ATXN2L: variants seen among roughly 807,000 people sequenced by gnomAD.
ATXN2L encodes ataxin-2-like protein.
In ATXN2L, 24 loss-of-function variants were observed where a neutral mutation model predicts 120.7. That is an observed-to-expected ratio of 0.20 (90% confidence interval 0.14 to 0.28). ATXN2L has a LOEUF of 0.28. Ranked by LOEUF, ATXN2L falls within the 10% of genes least tolerant of loss-of-function variation. The pLI is 1.00. For missense variants in ATXN2L, 1,312 were observed against 1,432.3 expected, an observed-to-expected ratio of 0.92 and a Z score of 1.36; for synonymous variants, 653 against 568.1, an observed-to-expected ratio of 1.15 and a Z score of -2.13.
chr16:28,830,911 C>G, intron 9 of ATXN2L, 51 bp from the exon 10 acceptor site: 1 of 1,444,650 alleles, frequency 6.9e-7, no homozygotes, highest in Non-Finnish European at 9.4e-7. Context: ...TGTAATAGGT[C>G]GTCTGCCTCC....
chr16:28,823,908 C>G (rs2050608866), intron 1 of ATXN2L: 1 of 255,384 alleles, frequency 3.9e-6, no homozygotes, highest in Admixed American at 5.8e-5. Context: ...AAGGGTCTCG[C>G]GGTCCCCGGC....
chr16:28,829,901 G>C lies in ATXN2L; in HGVS notation c.877G>C (p.Glu293Gln), dbSNP rs150226050. 2.3e-4 allele frequency: 373 copies of C among 1,614,128 alleles called. No individual in the cohort carries two copies. Among genetic ancestry groups the C allele is most frequent in the Middle Eastern group, 3.3e-4 (2 of 6,084 alleles). The change falls in exon 8 of 22, where the codon GAG becomes CAG. Residue 293 changes from glutamate to glutamine, a missense_variant. By Grantham distance (29) the Glu-to-Gln change is conservative. Transcript: ENST00000336783. ...KDNSEEFRQR[E>Q]LRAAQLAREI... ...CAACTCAGAAGAGTTTCGTCAGCGA[G>C]AGCTGCGTGCGGCCCAGTTGGCTCG...
chr16:28,832,987 A>G, intron 13 of ATXN2L, 72 bp from the exon 14 acceptor site: 1 of 1,592,926 alleles, frequency 6.3e-7, no homozygotes, highest in East Asian at 2.2e-5. Flanking sequence ...GATGAGATCA[A>G]AAAAGGATGA....
At position 28,835,139 on chromosome 16, in the gene ATXN2L, A is replaced by C. The variant is rs1380954234; in HGVS notation, c.2515A>C (p.Thr839Pro). 1 of 1,613,522 alleles carries C rather than the reference A, an allele frequency of 6.2e-7. No individual in the cohort carries two copies. Among genetic ancestry groups the C allele is most frequent in the Admixed American group, 1.7e-5 (1 of 59,950 alleles). ...SHPQAIVSSS[T>P]PQYPSAEQPT... ...TCCCCAGGCCATCGTGTCATCCTCT[A>C]CCCCTCAGTACCCTTCTGCAGAGCA... The change falls in exon 19 of 22, where the codon ACC (threonine) becomes CCC (proline). Residue 839 changes from threonine (T) to proline (P), a missense_variant. Transcript: ENST00000336783.
chr16:28,826,833 A>C, intron 5 of ATXN2L, 29 bp from the exon 6 acceptor site: 5 of 1,508,970 alleles, frequency 3.3e-6, no homozygotes, highest in Non-Finnish European at 4.5e-6. Context: ...ATATAGCCTG[A>C]CTCCTGATCT....
chr16:28,835,811 A>G, intron 21 of ATXN2L, 53 bp downstream of exon 21: 7 of 1,608,748 alleles, frequency 4.4e-6, no homozygotes, highest in South Asian at 1.1e-5. Flanking sequence ...CCCGTCTGCC[A>G]TGGGGACCAT....
chr16:28,825,977 G>T (rs929086413), intron 4 of ATXN2L, 136 bp downstream of exon 4: 3 of 951,842 alleles, frequency 3.2e-6, no homozygotes, highest in African/African-American at 3.3e-5. Flanking sequence ...GAATAGTGCT[G>T]CAGGGAAAAA....
chr16:28,827,133 A>C, intron 6 of ATXN2L, 147 bp downstream of exon 6: 1 of 940,548 alleles, frequency 1.1e-6, no homozygotes, highest in Non-Finnish European at 1.4e-6. Context: ...AAAATAGCAA[A>C]GTAAAAATAT....
In ATXN2L at chr16:28,836,556, C is replaced by G. The variant is rs1481755279; in HGVS notation, c.*291C>G. ...TGAGCTGGGCACATGAGTGAGGGCT[C>G]TGGCTTACTGGGAAACAGCGATTGA... On this transcript the variant is annotated 3_prime_UTR_variant, in exon 22 of 22. Coordinates refer to ENST00000336783, the MANE Select transcript of ATXN2L (RefSeq NM_007245.4). 5 of 1,572,052 alleles carry G rather than the reference C, an allele frequency of 3.2e-6. No homozygotes were observed. The highest frequency in any genetic ancestry group is 4.3e-6 in the Non-Finnish European group (5 of 1,161,640).
At position 28,824,262 on chromosome 16, in the gene ATXN2L, G is replaced by A. The variant is rs554273164; in HGVS notation, c.299+704G>A. Reference sequence around the variant, plus strand: ...CGTCTGGTGGCAGTGCATGAGTAGTGGAGGCCCTGCTCAGTTTTTCCTGTG... The same window carrying A: ...CGTCTGGTGGCAGTGCATGAGTAGTAGAGGCCCTGCTCAGTTTTTCCTGTG... On this transcript the variant is annotated intron_variant, in intron 1 of 21. Transcript: ENST00000336783. 73 of 1,156,184 alleles carry A rather than the reference G, an allele frequency of 6.3e-5. 1 individual carries two copies. In the African/African-American group the frequency reaches 1.1e-3, roughly 18 times the overall value. The allele number at this position is 1,156,184 out of a possible 1,614,324, so 71.6% of individuals were successfully genotyped here.
chr16:28,824,448 C>T (rs897124306), intron 1 of ATXN2L: 11 of 1,286,860 alleles, frequency 8.5e-6, no homozygotes, highest in Non-Finnish European at 1.1e-5. Context: ...TGCGCTGTCC[C>T]CCAGCCCCGC....
rs778731470 is a variant in ATXN2L at position 28,833,301 on chromosome 16, C to T, written c.1902C>T (p.Ser634=). ...PPPPCPSQTG[S]PPVGLIKGED... ...CACCTTGTCCAAGCCAAACTGGCAGCCCCCCGGTGGGCCTCATCAAGGGAG... is the reference window on the plus strand; with the variant it reads ...CACCTTGTCCAAGCCAAACTGGCAGTCCCCCGGTGGGCCTCATCAAGGGAG... The change falls in exon 14 of 22, where the codon AGC becomes AGT. Residue 634 remains serine, a synonymous_variant. Coordinates refer to ENST00000336783, the MANE Select transcript of ATXN2L (RefSeq NM_007245.4). The T allele has an allele frequency of 3.3e-5, 53 of 1,613,906 alleles. No individual in the cohort carries two copies. Among genetic ancestry groups the T allele is most frequent in the Non-Finnish European group, 4.3e-5 (51 of 1,179,956 alleles).
Position 28,830,973 on chromosome 16 carries a change from A to G in ATXN2L, c.1222A>G (p.Met408Val), listed in dbSNP as rs756158546. 9.6e-6 allele frequency: 15 copies of G among 1,569,460 alleles called. 1 individual carries two copies. In the Admixed American group the frequency reaches 1.5e-4, roughly 15 times the overall value. The change falls in exon 10 of 22, where the codon ATG (methionine) becomes GTG (valine). Residue 408 changes from methionine (M) to valine (V), a missense_variant. Physicochemically the swap from Met to Val is conservative, Grantham distance 21. Coordinates refer to ENST00000336783, the MANE Select transcript of ATXN2L (RefSeq NM_007245.4). Reference protein sequence around the residue: ...ARGINGGPSRMSPKAQRPLRG... With the variant: ...ARGINGGPSRVSPKAQRPLRG... ...AAAAAACCAAACAGGCCCTTCCCGC[A>G]TGTCCCCAAAGGCACAACGGCCTCT...
chr16:28,824,469 C>T lies in ATXN2L; in HGVS notation c.300-897C>T, dbSNP rs772146882. 241 of 1,288,036 alleles carry T rather than the reference C, an allele frequency of 1.9e-4. 1 individual carries two copies. Among genetic ancestry groups the T allele is most frequent in the Middle Eastern group, 1.5e-3 (7 of 4,542 alleles). 79.8% of individuals were successfully genotyped at this position (1,288,036 alleles called of 1,614,324 possible). On this transcript the variant is annotated intron_variant, in intron 1 of 21. Coordinates refer to ENST00000336783, the MANE Select transcript of ATXN2L (RefSeq NM_007245.4). ...GTCCCCCAGCCCCGCCAGCGGCCCCCTCTTCGCCCTCAACCGCCGGTTACA... is the reference window on the plus strand; with the variant it reads ...GTCCCCCAGCCCCGCCAGCGGCCCCTTCTTCGCCCTCAACCGCCGGTTACA...
At position 28,835,091 on chromosome 16, in the gene ATXN2L, C is replaced by T. The variant is rs112833797; in HGVS notation, c.2467C>T (p.Arg823Cys). The T allele has an allele frequency of 1.2e-6, 2 of 1,613,820 alleles. No homozygotes were observed. The highest frequency in any genetic ancestry group is 8.5e-7 in the Non-Finnish European group (1 of 1,179,876). The change falls in exon 19 of 22, where the codon CGC (arginine) becomes TGC (cysteine). Residue 823 changes from arginine (R) to cysteine (C), a missense_variant. Physicochemically the swap from Arg to Cys is radical, Grantham distance 180. Coordinates refer to ENST00000336783, the MANE Select transcript of ATXN2L (RefSeq NM_007245.4). ...TGCCCCCATGCTTCAGAGCAACCCA[C>T]GCATGCTGACGTCGGGCAGCCATCC... Reference protein sequence around the residue: ...VFAPMLQSNPRMLTSGSHPQA... With the variant: ...VFAPMLQSNPCMLTSGSHPQA...
At chr16:28,835,477 T>A in intron 20 of ATXN2L, 72 bp from the exon 21 acceptor site, 1 of 1,610,856 alleles carries the variant, frequency 6.2e-7, no homozygotes, top group South Asian at 1.1e-5. Flanking sequence ...TAGGGGTCAT[T>A]TCTGAGTGGC....
At chr16:28,824,579 G>A (rs12920514) in intron 1 of ATXN2L, 346,914 of 1,273,262 alleles carry the variant, frequency 0.27, 53,979 homozygotes, top group South Asian at 0.62. Flanking sequence ...AGGTCGAGGG[G>A]ATGGGGTGTG....
At chr16:28,827,268 A>G (rs925463187) in intron 6 of ATXN2L, among the ~76,000 whole-genome samples, 3 of 152,116 alleles carry the variant, frequency 2.0e-5, no homozygotes, top group African/African-American at 7.2e-5. Flanking sequence ...ACCCTGTCTC[A>G]ACAAGATATA....
chr16:28,823,274 G>T lies in ATXN2L; in HGVS notation c.15G>T (p.Gln5His). ...ACGCTGCCATCATGTTGAAGCCTCA[G>T]CCGCTACAACAGCCCTCCCAGCCCC... is the stretch of plus-strand genomic sequence containing the variant. The part of the protein sequence containing the change: MLKP[Q>H]PLQQPSQPQQ... Residue 5 changes from glutamine to histidine, a missense_variant, in exon 1 of 22, where the codon CAG becomes CAT. Coordinates refer to ENST00000336783, the MANE Select transcript of ATXN2L (RefSeq NM_007245.4). The T allele has an allele frequency of 6.7e-7, 1 of 1,495,940 alleles. No individual in the cohort carries two copies. The highest frequency in any genetic ancestry group is 1.4e-5 in the African/African-American group (1 of 69,102). The allele number at this position is 1,495,940 out of a possible 1,614,324, so 92.7% of individuals were successfully genotyped here.
Sources: gnomAD v4.1 joint callset for allele counts (sites outside exome capture counted in the v4.1 genomes callset) on GRCh38, gnomAD v4.1.1 for gene constraint, MANE v1.5 for transcripts, NCBI Gene and HGNC (gene_info 2026-07-23, HGNC 2026-07-21) for gene names.